Variants in KHDRBS2 observed in about 807,000 individuals in gnomAD.
The protein encoded by KHDRBS2 is KH RNA binding domain containing, signal transduction associated 2.
In KHDRBS2, 26 loss-of-function variants were observed where a neutral mutation model predicts 44.3. That is an observed-to-expected ratio of 0.59 (90% CI 0.43 to 0.81). KHDRBS2 has a LOEUF of 0.81. KHDRBS2 is among the 40% of genes least tolerant of loss of function. The pLI is 0.00. For synonymous variants in KHDRBS2, 194 were observed against 151.1 expected (o/e 1.28, Z -2.08); for missense variants, 476 against 433.1 (o/e 1.10, Z -0.88).
chr6:61,865,913 T>C (rs1352800277), intron 6 of KHDRBS2, among the ~76,000 whole-genome samples: 1 of 152,184 alleles, frequency 6.6e-6, no homozygotes, highest in East Asian at 1.9e-4. Flanking sequence ...ATGCAAGAGG[T>C]GGGCTCCCAC....
At chr6:61,649,445 G>A in the KHDRBS2 span, among the ~76,000 whole-genome samples, 4 of 152,128 alleles carry the variant, frequency 2.6e-5, no homozygotes, top group South Asian at 4.1e-4. Flanking sequence ...CTATATTGAG[G>A]AAGTAACAAC....
the KHDRBS2 span, among the ~76,000 whole-genome samples, chr6:61,650,319 G>A: frequency 0.54 from 82,165 of 151,580 alleles, 22,729 homozygotes; most frequent in Non-Finnish European, 0.61. Context: ...AATATTATGT[G>A]TTTTGTTTAT....
chr6:62,090,589 T>A (rs1403999690), intron 2 of KHDRBS2, among the ~76,000 whole-genome samples: 1 of 151,930 alleles, frequency 6.6e-6, no homozygotes, highest in Non-Finnish European at 1.5e-5. Context: ...CTTATTTAAT[T>A]TTTTTTAACA....
At chr6:61,923,250 TAA>T (rs1203309348) in intron 4 of KHDRBS2, among the ~76,000 whole-genome samples, 2 of 151,892 alleles carry the variant, frequency 1.3e-5, no homozygotes, top group African/African-American at 4.8e-5. Flanking sequence ...CTAAAAAAAT[TAA>T]AAAGAGAAGA....
intron 1 of KHDRBS2, among the ~76,000 whole-genome samples, chr6:62,207,992 C>T (rs1828312681): frequency 6.6e-6 from 1 of 152,042 alleles, no homozygotes; most frequent in Non-Finnish European, 1.5e-5. Flanking sequence ...TAAATGTGTT[C>T]ATCCTACACA....
At chr6:61,607,022 A>G in the KHDRBS2 span, among the ~76,000 whole-genome samples, 2 of 152,230 alleles carry the variant, frequency 1.3e-5, no homozygotes, top group African/African-American at 2.4e-5. Flanking sequence ...CAAATAAAAC[A>G]TAAGTCAAAT....
chr6:61,690,658 G>C (rs1767299001), intron 8 of KHDRBS2, among the ~76,000 whole-genome samples: 1 of 152,008 alleles, frequency 6.6e-6, no homozygotes, highest in Admixed American at 6.6e-5. Flanking sequence ...TTATAAAGTG[G>C]ACTTAAAATA....
intron 6 of KHDRBS2, among the ~76,000 whole-genome samples, chr6:61,814,246 T>A (rs1446164850): frequency 6.6e-6 from 1 of 152,178 alleles, no homozygotes; most frequent in East Asian, 1.9e-4. Context: ...TTTAGTATTA[T>A]GTTATAATTC....
intron 3 of KHDRBS2, among the ~76,000 whole-genome samples, chr6:61,993,679 T>A (rs369735052): frequency 0.53 from 41,416 of 78,226 alleles, 11,839 homozygotes; most frequent in Non-Finnish European, 0.66. Flanking sequence ...ATATATTTTT[T>A]TTTTTTGATG....
chr6:62,144,889 T>C (rs1184189075), intron 2 of KHDRBS2, among the ~76,000 whole-genome samples: 1 of 151,904 alleles, frequency 6.6e-6, no homozygotes, highest in East Asian at 1.9e-4. Context: ...GGTCATGTAA[T>C]AGACCTTGTT....
chr6:62,166,053 C>T (rs970583650), intron 2 of KHDRBS2, among the ~76,000 whole-genome samples: 8 of 151,966 alleles, frequency 5.3e-5, no homozygotes, highest in Non-Finnish European at 1.2e-4. Flanking sequence ...AAAGTAGAAT[C>T]ATATATTTGT....
chr6:62,150,482 C>T (rs2150105000), intron 2 of KHDRBS2, among the ~76,000 whole-genome samples: 1 of 152,230 alleles, frequency 6.6e-6, no homozygotes, highest in Admixed American at 6.5e-5. Context: ...ACAGTACCTT[C>T]CCTGTCTATG....
intron 3 of KHDRBS2, among the ~76,000 whole-genome samples, chr6:61,984,574 C>A (rs1980170): frequency 6.6e-6 from 1 of 151,934 alleles, no homozygotes; most frequent in Non-Finnish European, 1.5e-5. Context: ...AGGCTCTGGA[C>A]TTAGTCACTA....
At chr6:61,732,815 G>A (rs1330484737) in intron 6 of KHDRBS2, 51 bp from the exon 7 acceptor site, 13 of 979,128 alleles carry the variant, frequency 1.3e-5, no homozygotes, top group Non-Finnish European at 1.8e-5. Flanking sequence ...GATTAACTTT[G>A]ATCTGTTTTC....
At chr6:61,598,958 G>A in the KHDRBS2 span, among the ~76,000 whole-genome samples, 1 of 150,326 alleles carries the variant, frequency 6.7e-6, no homozygotes, top group African/African-American at 2.4e-5. Flanking sequence ...TTTTGAGACA[G>A]AGTCTCAAAC....
chr6:62,001,812 T>C (rs189825119), intron 3 of KHDRBS2, among the ~76,000 whole-genome samples: 1 of 152,232 alleles, frequency 6.6e-6, no homozygotes, highest in Non-Finnish European at 1.5e-5. Context: ...AGGTGAAAAG[T>C]TATTGAATTT....
chr6:61,651,582 G>T, the KHDRBS2 span, among the ~76,000 whole-genome samples: 1 of 151,980 alleles, frequency 6.6e-6, no homozygotes, highest in Admixed American at 6.6e-5. Flanking sequence ...GAATTATTAT[G>T]ATGTTCATTT....
chr6:61,984,191 A>C (rs1180727484), intron 3 of KHDRBS2, among the ~76,000 whole-genome samples: 1 of 152,202 alleles, frequency 6.6e-6, no homozygotes, highest in African/African-American at 2.4e-5. Flanking sequence ...AGATACTTAG[A>C]GCTCAACATC....
intron 7 of KHDRBS2, among the ~76,000 whole-genome samples, chr6:61,722,925 G>C (rs1474083227): frequency 6.6e-6 from 1 of 152,004 alleles, no homozygotes; most frequent in African/African-American, 2.4e-5. Context: ...TAGCCAGGAT[G>C]GTCTCGATCT....
Sources: allele counts gnomAD v4.1 joint callset (sites outside exome capture counted in the v4.1 genomes callset), GRCh38; gene constraint gnomAD v4.1.1; transcripts MANE v1.5; gene names NCBI Gene and HGNC (gene_info 2026-07-23, HGNC 2026-07-21).